The following NTN1 variants were observed in gnomAD, a reference collection of about 807,000 sequenced individuals.
NTN1 encodes netrin-1.
In NTN1, 11 loss-of-function variants were observed where a neutral mutation model predicts 54.2. The observed-to-expected ratio is 0.20, with a 90% CI of 0.13 to 0.34. The LOEUF (loss-of-function observed/expected upper bound fraction) is 0.34. NTN1 is among the 10% of genes least tolerant of loss of function. The probability of loss-of-function intolerance (pLI) is 1.00; values close to 1 mark genes in which losing one functional copy is unlikely to be tolerated. For missense variants in NTN1, 740 were observed against 893.1 expected (o/e 0.83, Z 2.18); for synonymous variants, 371 against 382.0 (o/e 0.97, Z 0.33).
chr17:9,156,229 C>T (rs901679923), intron 2 of NTN1, among the ~76,000 whole-genome samples: 23 of 142,854 alleles, frequency 1.6e-4, no homozygotes, highest in Non-Finnish European at 3.0e-4. Context: ...ATGGTGCCTG[C>T]GTGAGTTGGT....
At position 9,239,977 on chromosome 17, in the gene NTN1, CAGCG is replaced by C. The variant is rs1052949982; in HGVS notation, c.*10_*13del. On this transcript the variant is annotated 3_prime_UTR_variant, in exon 7 of 7. Transcript: ENST00000173229. The surrounding 1 kb of genome is among the most constrained non-coding windows in gnomAD (Gnocchi z 5.2). ...AGTGCAAGAAGGCCTAGCGCCGAGG[CAGCG>C]GGCGGGCGGGCGGGCGGGCGCCAGG... is the stretch of plus-strand genomic sequence containing the variant. The C allele has an allele frequency of 2.9e-4, 36 of 123,982 alleles. No homozygotes were observed. The highest frequency in any genetic ancestry group is 1.2e-3 in the African/African-American group (32 of 25,904). The allele number at this position is 123,982 out of a possible 1,614,324, so 7.7% of individuals were successfully genotyped here. A position where few individuals can be genotyped will look rare whatever the true frequency, so the allele number is the denominator to read the frequency against.
intron 2 of NTN1, among the ~76,000 whole-genome samples, chr17:9,077,175 C>T (rs889408966): frequency 6.6e-6 from 1 of 151,962 alleles, no homozygotes; most frequent in Admixed American, 6.6e-5. Context: ...CATGGATGTC[C>T]AGCCCCAATT....
rs1172302295 is a variant in NTN1, at chr17:9,221,870, G to A, written c.1486+628G>A. ...CTGTCCCCTTGCTCTCATGGTGGTC[G>A]TGGAGAGTGGAGATGGTCTGGGAGC... On this transcript the variant is annotated intron_variant, in intron 6 of 6. Coordinates refer to ENST00000173229, the MANE Select transcript of NTN1 (RefSeq NM_004822.3). This position sits in a 1 kb window ranked among gnomAD's most constrained non-coding sequence, Gnocchi z 4.5. Among the ~76,000 whole-genome samples, 9 of 152,174 alleles carry A rather than the reference G, an allele frequency of 5.9e-5. No homozygotes were observed. The highest frequency in any genetic ancestry group is 2.1e-4 in the South Asian group (1 of 4,820).
chr17:9,106,701 AC>A (rs1275268589), intron 2 of NTN1, among the ~76,000 whole-genome samples: 1 of 152,004 alleles, frequency 6.6e-6, no homozygotes, highest in South Asian at 2.1e-4. Flanking sequence ...TTTAGTAGAG[AC>A]GGGGGTTTCA....
chr17:9,201,463 G>A (rs1229377918), intron 5 of NTN1, among the ~76,000 whole-genome samples: 4 of 152,178 alleles, frequency 2.6e-5, no homozygotes, highest in African/African-American at 9.7e-5. Context: ...AGACCAGAGG[G>A]CTCTGAATTA....
chr17:9,177,765 CCCT>C (rs1010096537), intron 3 of NTN1: 17 of 152,454 alleles, frequency 1.1e-4, no homozygotes, highest in African/African-American at 3.8e-4. Context: ...CTCCAGCCTC[CCCT>C]CCTCGCCGCC....
intron 5 of NTN1, among the ~76,000 whole-genome samples, chr17:9,210,498 A>C (rs1348498954): frequency 2.0e-5 from 3 of 151,928 alleles, no homozygotes; most frequent in Non-Finnish European, 4.4e-5. Flanking sequence ...AGGGGGTAGC[A>C]CTTCTCCACA....
At chr17:9,003,666 C>T in the NTN1 span, among the ~76,000 whole-genome samples, 1 of 151,306 alleles carries the variant, frequency 6.6e-6, no homozygotes, top group African/African-American at 2.4e-5. The surrounding 1 kb of genome is among the most constrained non-coding windows in gnomAD (Gnocchi z 7.4). Context: ...TCCCCATCTC[C>T]AGCCGCTCGC....
In NTN1 at chr17:9,022,345, C is replaced by T; in HGVS notation, c.-29C>T. 7.8e-7 allele frequency: 1 copy of T among 1,275,242 alleles called. No homozygotes were observed. Among genetic ancestry groups the T allele is most frequent in the Non-Finnish European group, 9.8e-7 (1 of 1,016,644 alleles). The allele number at this position is 1,275,242 out of a possible 1,614,324, so 79.0% of individuals were successfully genotyped here. On this transcript the variant is annotated 5_prime_UTR_variant, in exon 2 of 7. Coordinates refer to ENST00000173229, the MANE Select transcript of NTN1 (RefSeq NM_004822.3). ...GCGGCAGGCGGACAGATCCTCGGCG[C>T]GGCAGGGCCGGGGCAAGCTGGACGC...
chr17:9,123,816 T>C (rs1267382928), intron 2 of NTN1, among the ~76,000 whole-genome samples: 1 of 152,222 alleles, frequency 6.6e-6, no homozygotes, highest in Non-Finnish European at 1.5e-5. Context: ...CTGATTCTTG[T>C]AGTCTCATGA....
intron 2 of NTN1, among the ~76,000 whole-genome samples, chr17:9,058,327 A>AT (rs1192736847): frequency 6.6e-6 from 1 of 152,194 alleles, no homozygotes; most frequent in East Asian, 1.9e-4. Context: ...TCTGAAATGC[A>AT]TTTTTGTACT....
At chr17:9,200,088 A>T (rs1396255964) in intron 5 of NTN1, among the ~76,000 whole-genome samples, 1 of 152,232 alleles carries the variant, frequency 6.6e-6, no homozygotes, top group African/African-American at 2.4e-5. Flanking sequence ...AGCCGGGTGG[A>T]CGTTACAGGA....
At chr17:9,225,638 G>C (rs1905509578) in intron 6 of NTN1, among the ~76,000 whole-genome samples, 1 of 152,234 alleles carries the variant, frequency 6.6e-6, no homozygotes, top group African/African-American at 2.4e-5. Flanking sequence ...GGCCAGCCCA[G>C]GGAGAAGGTG....
chr17:9,213,525 A>G (rs1257526723), intron 5 of NTN1, among the ~76,000 whole-genome samples: 2 of 152,236 alleles, frequency 1.3e-5, no homozygotes, highest in East Asian at 3.9e-4. Flanking sequence ...ACTGTGGGGC[A>G]TAAAACGTTG....
chr17:9,226,055 C>T (rs9894743), intron 6 of NTN1, among the ~76,000 whole-genome samples: 71,908 of 151,470 alleles, frequency 0.47, 17,131 homozygotes, highest in East Asian at 0.6. Context: ...CCTGTGGGCT[C>T]GGGGCGCCGG....
chr17:9,024,476 C>G (rs1301425576), intron 2 of NTN1, among the ~76,000 whole-genome samples: 1 of 152,262 alleles, frequency 6.6e-6, no homozygotes, highest in Non-Finnish European at 1.5e-5. Context: ...CTCCCCATCT[C>G]AAACAGCCAG....
chr17:9,146,342 A>G (rs1161408689), intron 2 of NTN1, among the ~76,000 whole-genome samples: 1 of 152,118 alleles, frequency 6.6e-6, no homozygotes, highest in East Asian at 1.9e-4. Context: ...CCCAGCTTTG[A>G]AGGCTGCCCT....
intron 5 of NTN1, among the ~76,000 whole-genome samples, chr17:9,197,521 G>A (rs1024500615): frequency 5.9e-5 from 9 of 152,046 alleles, no homozygotes; most frequent in Admixed American, 1.3e-4. Context: ...TTAGCCAGGC[G>A]TGGTGGAGGG....
chr17:9,172,134 C>T (rs1193075494), intron 3 of NTN1, among the ~76,000 whole-genome samples: 1 of 152,070 alleles, frequency 6.6e-6, no homozygotes, highest in African/African-American at 2.4e-5. Flanking sequence ...GTGATCCGCC[C>T]ACCTGGTAAT....
Sources: gnomAD v4.1 joint callset for allele counts (sites outside exome capture counted in the v4.1 genomes callset) on GRCh38, gnomAD v4.1.1 for gene constraint, Gnocchi (gnomAD v3.1) non-coding constraint, MANE v1.5 for transcripts, NCBI Gene and HGNC (gene_info 2026-07-23, HGNC 2026-07-21) for gene names.